QTMAN: variants seen among roughly 807,000 people sequenced by gnomAD.
QTMAN encodes the protein tRNA-queuosine alpha-mannosyltransferase.
the QTMAN span, among the ~76,000 whole-genome samples, chr2:144,228,483 T>C: frequency 6.6e-6 from 1 of 152,270 alleles, no homozygotes; most frequent in South Asian, 2.1e-4. Context: ...AAAATAACAT[T>C]TTTCTATAGT....
the QTMAN span, among the ~76,000 whole-genome samples, chr2:144,328,815 C>T: frequency 1.3e-5 from 2 of 152,090 alleles, no homozygotes; most frequent in Admixed American, 1.3e-4. Context: ...AAGCTATTAC[C>T]TCTATGACTC....
At chr2:144,103,069 G>T in the QTMAN span, among the ~76,000 whole-genome samples, 18 of 152,248 alleles carry the variant, frequency 1.2e-4, no homozygotes, top group East Asian at 2.9e-3. Context: ...CGTTATAGGG[G>T]AATATATTGG....
chr2:144,133,177 T>C, the QTMAN span, among the ~76,000 whole-genome samples: 25 of 45,568 alleles, frequency 5.5e-4, 1 homozygote, highest in Admixed American at 2.9e-3. Context: ...TATATAAATA[T>C]ATATAATATA....
chr2:144,298,081 C>T, the QTMAN span, among the ~76,000 whole-genome samples: 7 of 151,168 alleles, frequency 4.6e-5, no homozygotes, highest in African/African-American at 1.2e-4. Context: ...TGCAATGGCG[C>T]GATCTCGGCT....
At chr2:144,315,914 C>A in the QTMAN span, among the ~76,000 whole-genome samples, 6 of 152,306 alleles carry the variant, frequency 3.9e-5, no homozygotes, top group South Asian at 1.2e-3. Context: ...CTGTGCTTTA[C>A]TTCACTCCCC....
the QTMAN span, among the ~76,000 whole-genome samples, chr2:144,256,458 G>A: frequency 8.6e-5 from 13 of 151,876 alleles, no homozygotes; most frequent in Admixed American, 3.3e-4. Context: ...TTTTCTCTCC[G>A]AATATATTTT....
At chr2:144,249,538 T>C in the QTMAN span, among the ~76,000 whole-genome samples, 19 of 152,200 alleles carry the variant, frequency 1.2e-4, no homozygotes, top group Non-Finnish European at 2.8e-4. Context: ...GGTTACACTG[T>C]CTACTGAGTG....
the QTMAN span, among the ~76,000 whole-genome samples, chr2:144,224,634 A>G: frequency 6.6e-6 from 1 of 152,180 alleles, no homozygotes; most frequent in Non-Finnish European, 1.5e-5. Context: ...GATGACATCT[A>G]AACAGAAATC....
the QTMAN span, among the ~76,000 whole-genome samples, chr2:144,186,505 G>C: frequency 2.0e-5 from 3 of 152,120 alleles, no homozygotes; most frequent in Non-Finnish European, 4.4e-5. Context: ...CTAATACATA[G>C]ATGTATGTGG....
chr2:144,083,500 ATTGT>A, the QTMAN span, among the ~76,000 whole-genome samples: 1 of 152,164 alleles, frequency 6.6e-6, no homozygotes, highest in Non-Finnish European at 1.5e-5. Flanking sequence ...TAAAAATATA[ATTGT>A]TTAAGAACAC....
At chr2:144,031,749 A>G in the QTMAN span, among the ~76,000 whole-genome samples, 4 of 151,936 alleles carry the variant, frequency 2.6e-5, no homozygotes, top group Non-Finnish European at 5.9e-5. Flanking sequence ...AGGGGGTATG[A>G]TTACTTCTTC....
chr2:144,284,944 T>A, the QTMAN span, among the ~76,000 whole-genome samples: 1 of 150,798 alleles, frequency 6.6e-6, no homozygotes, highest in East Asian at 1.9e-4. Flanking sequence ...TTTTTTTTTT[T>A]TTTTTTTTTT....
At chr2:144,272,774 C>G in the QTMAN span, among the ~76,000 whole-genome samples, 3 of 152,010 alleles carry the variant, frequency 2.0e-5, no homozygotes, top group African/African-American at 7.2e-5. Flanking sequence ...AATACAGGCA[C>G]AGATATACTC....
the QTMAN span, among the ~76,000 whole-genome samples, chr2:143,991,745 GC>G: frequency 1.4e-5 from 2 of 141,440 alleles, no homozygotes; most frequent in African/African-American, 2.6e-5. Context: ...GGGGGGGTCA[GC>G]CCCCCGCCCC....
the QTMAN span, among the ~76,000 whole-genome samples, chr2:144,242,727 C>T: frequency 8.6e-5 from 13 of 151,892 alleles, no homozygotes; most frequent in Admixed American, 4.6e-4. Flanking sequence ...TTTGGGAGGC[C>T]GAGGCAGGTG....
At chr2:144,231,008 G>A in the QTMAN span, among the ~76,000 whole-genome samples, 1 of 152,148 alleles carries the variant, frequency 6.6e-6, no homozygotes, top group Admixed American at 6.5e-5. Flanking sequence ...AGTGTGAGAT[G>A]CCATAGAAAA....
the QTMAN span, among the ~76,000 whole-genome samples, chr2:144,166,219 T>C: frequency 1.8e-4 from 27 of 152,214 alleles, no homozygotes; most frequent in Admixed American, 1.8e-3. Flanking sequence ...TGCTATCTAA[T>C]TTGCATTGTA....
chr2:144,180,256 G>A, the QTMAN span, among the ~76,000 whole-genome samples: 1 of 151,888 alleles, frequency 6.6e-6, no homozygotes. Flanking sequence ...TAAAAGATAC[G>A]CAATTTGATT....
At chr2:144,089,584 A>T in the QTMAN span, among the ~76,000 whole-genome samples, 1 of 152,060 alleles carries the variant, frequency 6.6e-6, no homozygotes, top group Admixed American at 6.6e-5. Context: ...AATGTGGTGT[A>T]TATTCACAAT....
Sources: allele counts gnomAD v4.1 joint callset (sites outside exome capture counted in the v4.1 genomes callset), GRCh38; gene constraint gnomAD v4.1.1; transcripts MANE v1.5; gene names NCBI Gene and HGNC (gene_info 2026-07-23, HGNC 2026-07-21).